The following PTPN4 variants were observed in gnomAD, a reference collection of about 807,000 sequenced individuals.
PTPN4 encodes protein tyrosine phosphatase non-receptor type 4.
In PTPN4, 49 loss-of-function variants were observed where a neutral mutation model predicts 135.5. The observed-to-expected ratio is 0.36, with a 90% CI of 0.29 to 0.46. The LOEUF is 0.46. Ranked by LOEUF, PTPN4 falls within the 20% of genes least tolerant of loss-of-function variation. PTPN4 has a pLI of 1.00. For missense variants in PTPN4, 860 were observed against 1,101.0 expected (o/e 0.78, Z 3.10); for synonymous variants, 333 against 369.9 (o/e 0.90, Z 1.14).
intron 1 of PTPN4, among the ~76,000 whole-genome samples, chr2:119,763,063 G>T (rs973115522): frequency 6.6e-6 from 1 of 152,070 alleles, no homozygotes; most frequent in Non-Finnish European, 1.5e-5. Context: ...AAATACCGTA[G>T]AATCTTCTTT....
intron 1 of PTPN4, among the ~76,000 whole-genome samples, chr2:119,772,798 C>A (rs1195727623): frequency 6.6e-6 from 1 of 152,160 alleles, no homozygotes; most frequent in East Asian, 1.9e-4. Context: ...CTCGGCCTCC[C>A]AAAGAGCTGG....
chr2:119,901,723 A>G (rs765874013), intron 10 of PTPN4, among the ~76,000 whole-genome samples: 3 of 152,362 alleles, frequency 2.0e-5, no homozygotes, highest in South Asian at 4.1e-4. Context: ...AGGGAAAAGT[A>G]TATGGAAAAA....
intron 2 of PTPN4, among the ~76,000 whole-genome samples, chr2:119,841,349 A>G (rs898933615): frequency 2.2e-4 from 34 of 151,922 alleles, no homozygotes; most frequent in Non-Finnish European, 2.1e-4. Context: ...GTATGTGTCT[A>G]TGTGTGTGTA....
chr2:119,810,659 A>G (rs1691560133), intron 2 of PTPN4, among the ~76,000 whole-genome samples: 1 of 152,226 alleles, frequency 6.6e-6, no homozygotes, highest in Admixed American at 6.5e-5. Context: ...ACATTCTTGT[A>G]CATATCTTGA....
intron 13 of PTPN4, among the ~76,000 whole-genome samples, chr2:119,929,160 A>C (rs1678865846): frequency 6.6e-6 from 1 of 152,090 alleles, no homozygotes; most frequent in Admixed American, 6.6e-5. Context: ...ATCAGCTACA[A>C]TGAGGTTGTA....
intron 10 of PTPN4, among the ~76,000 whole-genome samples, chr2:119,907,567 T>A (rs568982423): frequency 2.6e-4 from 40 of 152,148 alleles, no homozygotes; most frequent in African/African-American, 9.2e-4. Context: ...ATCATACCAC[T>A]GCACTTCAGC....
Position 119,981,039 on chromosome 2 carries a change from A to G in PTPN4, c.*3969A>G, listed in dbSNP as rs1010447987. 1.3e-5 allele frequency: 2 copies of G among 152,064 alleles called. No individual in the cohort carries two copies. The highest frequency in any genetic ancestry group is 2.9e-5 in the Non-Finnish European group (2 of 67,934). The allele number at this position is 152,064 out of a possible 1,614,324, so 9.4% of individuals were successfully genotyped here. ...TAACAATGTGCTATTTAATATCTGT[A>G]TTTTGAACATTTAAAATACTCTGAT... On this transcript the variant is annotated 3_prime_UTR_variant, in exon 27 of 27. Transcript: ENST00000263708.
intron 24 of PTPN4, among the ~76,000 whole-genome samples, chr2:119,963,943 T>C (rs1679408786): frequency 6.6e-6 from 1 of 152,182 alleles, no homozygotes; most frequent in African/African-American, 2.4e-5. Context: ...ACACCCTGAG[T>C]ACATTAGAAC....
chr2:119,952,165 A>C (rs1558773146), intron 19 of PTPN4, 36 bp downstream of exon 19: 1 of 1,566,804 alleles, frequency 6.4e-7, no homozygotes, highest in South Asian at 1.1e-5. Context: ...AATTTATAGT[A>C]ATTTATTACT....
intron 15 of PTPN4, among the ~76,000 whole-genome samples, chr2:119,939,826 A>T (rs1679036490): frequency 6.6e-6 from 1 of 152,164 alleles, no homozygotes; most frequent in Non-Finnish European, 1.5e-5. Context: ...GATCAAGTCT[A>T]GCAATATATT....
chr2:119,869,654 G>T (rs1051972000), intron 3 of PTPN4, among the ~76,000 whole-genome samples: 1 of 152,004 alleles, frequency 6.6e-6, no homozygotes, highest in East Asian at 1.9e-4. Context: ...GAACTTGCCC[G>T]TAGGCAAAGA....
chr2:119,876,155 A>G (rs1453085010), intron 3 of PTPN4, among the ~76,000 whole-genome samples: 1 of 152,212 alleles, frequency 6.6e-6, no homozygotes, highest in Admixed American at 6.5e-5. Context: ...AGGTAAGAAG[A>G]GACCATACAA....
At chr2:119,888,927 G>C (rs1025881017) in intron 9 of PTPN4, among the ~76,000 whole-genome samples, 17 of 152,078 alleles carry the variant, frequency 1.1e-4, no homozygotes, top group African/African-American at 3.9e-4. Context: ...TTGTGTGTTT[G>C]GTAACATTCA....
At chr2:119,920,011 T>A in intron 11 of PTPN4, 58 bp from the exon 12 acceptor site, 13 of 1,530,150 alleles carry the variant, frequency 8.5e-6, no homozygotes, top group Non-Finnish European at 1.1e-5. Context: ...GTAAATTAAA[T>A]GGAGCATTAG....
At chr2:119,838,411 A>G (rs74859983) in intron 2 of PTPN4, among the ~76,000 whole-genome samples, 1 of 152,084 alleles carries the variant, frequency 6.6e-6, no homozygotes, top group African/African-American at 2.4e-5. Context: ...TGACATTAAT[A>G]TTTACTGTTT....
At chr2:119,969,640 G>A (rs1679498976) in intron 26 of PTPN4, among the ~76,000 whole-genome samples, 1 of 133,216 alleles carries the variant, frequency 7.5e-6, no homozygotes, top group Non-Finnish European at 1.5e-5. Context: ...CTCACTGCAA[G>A]CTCCGCCTCC....
At chr2:119,926,167 CAAAT>C (rs899050106) in intron 12 of PTPN4, among the ~76,000 whole-genome samples, 1 of 152,178 alleles carries the variant, frequency 6.6e-6, no homozygotes. Flanking sequence ...GAGAATGTCT[CAAAT>C]AAATGCTCTG....
At chr2:119,892,656 A>G (rs1433153276) in intron 9 of PTPN4, among the ~76,000 whole-genome samples, 1 of 152,084 alleles carries the variant, frequency 6.6e-6, no homozygotes, top group Non-Finnish European at 1.5e-5. Context: ...GCGAACAAGG[A>G]GAGGAGAGTA....
intron 1 of PTPN4, among the ~76,000 whole-genome samples, chr2:119,789,211 G>T (rs556944394): frequency 1.3e-5 from 2 of 151,674 alleles, no homozygotes; most frequent in Non-Finnish European, 2.9e-5. Context: ...GTGTATATTG[G>T]CCACTTGTAT....
Sources: allele counts gnomAD v4.1 joint callset (sites outside exome capture counted in the v4.1 genomes callset), GRCh38; gene constraint gnomAD v4.1.1; transcripts MANE v1.5; gene names NCBI Gene and HGNC (gene_info 2026-07-23, HGNC 2026-07-21).